CEP135: variants seen among roughly 807,000 people sequenced by gnomAD.
CEP135 encodes the protein centrosomal protein 135, also known as centrosomal protein of 135 kDa.
CEP135 carries 142 observed loss-of-function variants against 157.3 expected under a neutral mutation model. The ratio of observed to expected loss-of-function variants is 0.90; its 90% CI spans 0.79 to 1.04. CEP135 has a LOEUF of 1.04. Ranked by LOEUF, CEP135 falls within the 50% of genes least tolerant of loss-of-function variation. The pLI is 0.00. For synonymous variants in CEP135, 396 were observed against 439.8 expected (o/e 0.90, Z 1.25); for missense variants, 1,317 against 1,309.2 (o/e 1.01, Z -0.09).
At chr4:55,983,341 G>A (rs1358347218) in intron 13 of CEP135, among the ~76,000 whole-genome samples, 2 of 152,172 alleles carry the variant, frequency 1.3e-5, no homozygotes, top group Admixed American at 6.6e-5. Flanking sequence ...GTTGTAGGAG[G>A]CAGGATTTTG....
Position 55,988,261 on chromosome 4 carries a change from C to T in CEP135, c.1857+2903C>T, listed in dbSNP as rs143961068. 1.8e-4 allele frequency among the ~76,000 whole-genome samples: 27 copies of T among 152,076 alleles called. No homozygotes were observed. The South Asian group carries it at 2.1e-3, about 12-fold the overall frequency. On this transcript the variant is annotated intron_variant, in intron 14 of 25. Transcript: ENST00000257287. ...TGAGGGGGAAGAATTGACAATAGAT[C>T]TTAAAATTTACTTGAAAGCAAAAAG...
Position 55,957,347 on chromosome 4 carries a change from T to G in CEP135, c.597T>G (p.Leu199=), listed in dbSNP as rs750302631. Residue 199 remains leucine (L), a synonymous_variant, in exon 5 of 26, where the codon CTT becomes CTG. Coordinates refer to ENST00000257287, the MANE Select transcript of CEP135 (RefSeq NM_025009.5). ...ATGACCCTTACATTGCAGACCTCCTTCAAGTGGCTGATAACAGGTGCATTA... is the reference window on the plus strand; with the variant it reads ...ATGACCCTTACATTGCAGACCTCCTGCAAGTGGCTGATAACAGGTGCATTA... ...QPDDPYIADL[L]QVADNRIQEL... is the part of the protein sequence containing the mutation. The G allele has an allele frequency of 3.7e-6, 6 of 1,612,750 alleles. No homozygotes were observed. The highest frequency in any genetic ancestry group is 5.1e-6 in the Non-Finnish European group (6 of 1,179,760).
chr4:55,959,947 G>A, intron 6 of CEP135, 181 bp downstream of exon 6: 1 of 624,384 alleles, frequency 1.6e-6, no homozygotes, highest in Non-Finnish European at 2.8e-6. Context: ...TACTTAGCCT[G>A]TCTCTTCAAA....
chr4:55,992,613 A>G (rs1467967267), intron 15 of CEP135, among the ~76,000 whole-genome samples: 1 of 152,208 alleles, frequency 6.6e-6, no homozygotes, highest in Non-Finnish European at 1.5e-5. Flanking sequence ...GGAAATATGG[A>G]ACATGGATTT....
chr4:56,012,255 C>T lies in CEP135; in HGVS notation c.2802+270C>T, dbSNP rs182064623. Reference sequence around the variant, plus strand: ...AGTTTTAGTAGAGATGGGGTTTCACCGTGTTGGCCAGGCTGCTCTCGAACT... The same window carrying T: ...AGTTTTAGTAGAGATGGGGTTTCACTGTGTTGGCCAGGCTGCTCTCGAACT... On this transcript the variant is annotated intron_variant, in intron 21 of 25. Transcript: ENST00000257287. 1.2e-4 allele frequency among the ~76,000 whole-genome samples: 18 copies of T among 152,146 alleles called. 1 individual carries two copies. Among genetic ancestry groups the T allele is most frequent in the South Asian group, 4.2e-4 (2 of 4,812 alleles).
rs138305619 is a variant in CEP135, at chr4:56,009,766, C to A, written c.2368C>A (p.Arg790Ser). The A allele has an allele frequency of 1.9e-6, 3 of 1,611,836 alleles. No individual in the cohort carries two copies. Among genetic ancestry groups the A allele is most frequent in the Non-Finnish European group, 1.7e-6 (2 of 1,179,592 alleles). Residue 790 changes from arginine to serine, a missense_variant, in exon 19 of 26, where the codon CGT becomes AGT. Transcript: ENST00000257287. ...GAAAGAAACATTGGTTAATCGAGAT[C>A]GTGAGATAAACAGCCTCCGGCGCCA... ...QLKETLVNRD[R>S]EINSLRRQLD...
intron 14 of CEP135, among the ~76,000 whole-genome samples, chr4:55,991,318 C>CTTTTTTTTTT (rs36216484): frequency 1.8e-4 from 24 of 133,572 alleles, no homozygotes; most frequent in East Asian, 4.3e-4. Context: ...CTGTTTTTTT[C>CTTTTTTTTTT]TTTTTTTTTT....
intron 14 of CEP135, among the ~76,000 whole-genome samples, chr4:55,988,684 G>C (rs982625375): frequency 5.5e-5 from 8 of 144,960 alleles, no homozygotes; most frequent in Non-Finnish European, 9.0e-5. Flanking sequence ...ATGGCTGGGC[G>C]TGGTGGCTCA....
At chr4:56,023,534 C>T (rs1248498323) in intron 24 of CEP135, among the ~76,000 whole-genome samples, 2 of 150,332 alleles carry the variant, frequency 1.3e-5, no homozygotes, top group Non-Finnish European at 3.0e-5. Context: ...TTTAACATCT[C>T]GTCATCTAGT....
chr4:56,011,744 T>C, intron 20 of CEP135, 56 bp from the exon 21 acceptor site: 1 of 1,374,860 alleles, frequency 7.3e-7, no homozygotes, highest in African/African-American at 1.5e-5. Context: ...ATGACATAGG[T>C]GTTCCAGGAA....
At chr4:55,992,961 C>G (rs1301201652) in intron 15 of CEP135, among the ~76,000 whole-genome samples, 1 of 152,132 alleles carries the variant, frequency 6.6e-6, no homozygotes. Flanking sequence ...AAATACCTCT[C>G]TCTAAATTAC....
chr4:56,007,692 G>A (rs1425295376), intron 17 of CEP135, among the ~76,000 whole-genome samples: 1 of 152,098 alleles, frequency 6.6e-6, no homozygotes, highest in African/African-American at 2.4e-5. Flanking sequence ...CACTTTTTCC[G>A]GTGTAGAAAC....
chr4:55,970,872 CAT>C (rs1729006987), intron 9 of CEP135, among the ~76,000 whole-genome samples: 1 of 152,114 alleles, frequency 6.6e-6, no homozygotes, highest in Admixed American at 6.6e-5. Flanking sequence ...CCTTGTTGTG[CAT>C]ATGAGGCTGA....
At chr4:56,015,773 G>A (rs181260151) in intron 21 of CEP135, among the ~76,000 whole-genome samples, 19 of 152,260 alleles carry the variant, frequency 1.2e-4, no homozygotes. Flanking sequence ...TCCATATTCA[G>A]AGTCTCACCC....
rs1168709307 is a variant in CEP135 at position 55,981,138 on chromosome 4, C to G, written c.1627-89C>G. The stretch of plus-strand genomic sequence containing the variant: ...TGACGGTAGCATGTGTTCAGTATGC[C>G]TTTTTTAACTGGAAACATATCCAAA... On this transcript the variant is annotated intron_variant, in intron 12 of 25. Coordinates refer to ENST00000257287, the MANE Select transcript of CEP135 (RefSeq NM_025009.5). 7.8e-6 allele frequency: 10 copies of G among 1,290,268 alleles called. No homozygotes were observed. The Admixed American group carries it at 2.0e-4, about 26-fold the overall frequency. The allele number at this position is 1,290,268 out of a possible 1,614,324, so 79.9% of individuals were successfully genotyped here.
At position 56,009,895 on chromosome 4, in the gene CEP135, G is replaced by A. The variant is rs1307961626; in HGVS notation, c.2497G>A (p.Glu833Lys). The A allele has an allele frequency of 6.2e-7, 1 of 1,612,890 alleles. No individual in the cohort carries two copies. Among genetic ancestry groups the A allele is most frequent in the Non-Finnish European group, 8.5e-7 (1 of 1,179,714 alleles). Residue 833 changes from glutamate (E) to lysine (K), a missense_variant, in exon 19 of 26, where the codon GAA (glutamate) becomes AAA (lysine). Coordinates refer to ENST00000257287, the MANE Select transcript of CEP135 (RefSeq NM_025009.5). ...LQDDLATMAR[E>K]NQEISLELEA... is the part of the protein sequence containing the mutation. Reference sequence around the variant, plus strand: ...AGATGACCTGGCTACAATGGCAAGAGAAAATCAAGTATGAACACAAGGCAT... The same window carrying A: ...AGATGACCTGGCTACAATGGCAAGAAAAAATCAAGTATGAACACAAGGCAT...
At chr4:55,980,108 T>C (rs756372882) in intron 11 of CEP135, 35 bp from the exon 12 acceptor site, 92 of 1,537,520 alleles carry the variant, frequency 6.0e-5, no homozygotes, top group Non-Finnish European at 8.1e-5. Context: ...AACCATGTGG[T>C]GATGATTATA....
intron 24 of CEP135, among the ~76,000 whole-genome samples, chr4:56,021,889 G>T (rs529737824): frequency 6.6e-6 from 1 of 152,170 alleles, no homozygotes; most frequent in Non-Finnish European, 1.5e-5. Flanking sequence ...ATTAGCTGGG[G>T]CATGGTGATG....
chr4:55,990,903 T>C (rs1425954266), intron 14 of CEP135, among the ~76,000 whole-genome samples: 2 of 152,278 alleles, frequency 1.3e-5, no homozygotes, highest in African/African-American at 4.8e-5. Flanking sequence ...CTGTGCATGA[T>C]ATTTTTCACT....
Sources: allele counts gnomAD v4.1 joint callset (sites outside exome capture counted in the v4.1 genomes callset), GRCh38; gene constraint gnomAD v4.1.1; transcripts MANE v1.5; gene names NCBI Gene and HGNC (gene_info 2026-07-23, HGNC 2026-07-21).